The following AP3B1 variants were observed in gnomAD, a reference collection of about 807,000 sequenced individuals.
AP3B1 encodes adaptor related protein complex 3 subunit beta 1, also known as AP-3 complex subunit beta-1.
Under a neutral mutation model 132.5 loss-of-function variants are expected in AP3B1, and 61 were observed. That is an observed-to-expected ratio of 0.46 (90% CI 0.37 to 0.57). The LOEUF (loss-of-function observed/expected upper bound fraction) is 0.57. Ranked by LOEUF, AP3B1 falls within the 20% of genes least tolerant of loss-of-function variation. The pLI is 0.00. For synonymous variants in AP3B1, 388 were observed against 438.3 expected, an observed-to-expected ratio of 0.89 and a Z score of 1.43; for missense variants, 1,120 against 1,289.4, an observed-to-expected ratio of 0.87 and a Z score of 2.01.
At chr5:78,112,183 G>C (rs979275475) in intron 19 of AP3B1, among the ~76,000 whole-genome samples, 4 of 152,122 alleles carry the variant, frequency 2.6e-5, no homozygotes, top group African/African-American at 9.7e-5. Flanking sequence ...GACAAGGAAA[G>C]AATCAATATT....
chr5:78,262,750 T>C (rs1462036585), intron 2 of AP3B1, among the ~76,000 whole-genome samples: 16 of 151,520 alleles, frequency 1.1e-4, no homozygotes, highest in Admixed American at 1.1e-3. Context: ...TGGAGTGCAG[T>C]GGCATGAACA....
chr5:78,086,510 C>T (rs1312410986), intron 22 of AP3B1, among the ~76,000 whole-genome samples: 2 of 152,170 alleles, frequency 1.3e-5, no homozygotes, highest in Non-Finnish European at 2.9e-5. Context: ...AAGCGCAGAA[C>T]TCTGACTTGA....
chr5:78,222,643 C>A (rs1746229537), intron 6 of AP3B1: 1 of 151,230 alleles, frequency 6.6e-6, no homozygotes, highest in Non-Finnish European at 1.5e-5. Context: ...AAAAAAAAAC[C>A]CAAGGAGGAT....
chr5:78,121,308 T>A (rs929335624), intron 17 of AP3B1, among the ~76,000 whole-genome samples: 6 of 151,714 alleles, frequency 4.0e-5, no homozygotes, highest in Non-Finnish European at 8.8e-5. Context: ...GCAAACACAT[T>A]CAAAAGCTAG....
At chr5:78,071,468 C>A (rs2112163352) in intron 22 of AP3B1, among the ~76,000 whole-genome samples, 1 of 152,196 alleles carries the variant, frequency 6.6e-6, no homozygotes, top group East Asian at 1.9e-4. Flanking sequence ...GGCTTAATAC[C>A]TAGGTGATGG....
chr5:78,047,989 G>A (rs1019919996), intron 22 of AP3B1, among the ~76,000 whole-genome samples: 1 of 152,212 alleles, frequency 6.6e-6, no homozygotes, highest in African/African-American at 2.4e-5. Flanking sequence ...ATATACATCT[G>A]TGCAGTGGCA....
intron 22 of AP3B1, among the ~76,000 whole-genome samples, chr5:78,079,670 A>C (rs1383128622): frequency 6.6e-6 from 1 of 152,234 alleles, no homozygotes; most frequent in African/African-American, 2.4e-5. Flanking sequence ...TTTAGTATAT[A>C]TTTAATGTAG....
chr5:78,190,553 G>A lies in AP3B1; in HGVS notation c.787-8891C>T, dbSNP rs145512349. Among the ~76,000 whole-genome samples, 166 of 152,224 alleles carry A rather than the reference G, an allele frequency of 1.1e-3. 1 individual carries two copies. The highest frequency in any genetic ancestry group is 3.7e-3 in the African/African-American group (155 of 41,524). ...GCATTAGTCCAAACAGAATGGATAC[G>A]TACACAGCATATGGGTGTATCTGGA... On this transcript the variant is annotated intron_variant, in intron 7 of 26. Transcript: ENST00000255194.
intron 22 of AP3B1, among the ~76,000 whole-genome samples, chr5:78,057,605 T>C (rs1406165381): frequency 6.6e-6 from 1 of 152,212 alleles, no homozygotes; most frequent in Non-Finnish European, 1.5e-5. Context: ...ACACACTGTA[T>C]TTTAATCCTA....
rs540060510 is a variant in AP3B1 at position 78,012,709 on chromosome 5, G to A, written c.3131+2701C>T. ...CCAAACACCAGGCCACTGATGATAC[G>A]GCTAGAACAGAAAAGCCTCAAGACA... is the stretch of plus-strand genomic sequence containing the variant. On this transcript the variant is annotated intron_variant, in intron 26 of 26. Coordinates refer to ENST00000255194, the MANE Select transcript of AP3B1 (RefSeq NM_003664.5). Among the ~76,000 whole-genome samples the A allele has an allele frequency of 2.0e-5, 3 of 152,280 alleles. No homozygotes were observed. In the East Asian group the frequency reaches 5.8e-4, roughly 29 times the overall value.
chr5:78,114,883 A>G (rs181337198), intron 18 of AP3B1, among the ~76,000 whole-genome samples: 43 of 152,346 alleles, frequency 2.8e-4, no homozygotes, highest in African/African-American at 9.6e-4. Flanking sequence ...TGGCTCTTCT[A>G]CTTGCCAGTT....
chr5:78,147,275 G>C (rs1753447478), intron 14 of AP3B1, among the ~76,000 whole-genome samples: 1 of 151,824 alleles, frequency 6.6e-6, no homozygotes, highest in South Asian at 2.1e-4. Flanking sequence ...CTTGTTAAAT[G>C]CTTTTAATTA....
intron 1 of AP3B1, among the ~76,000 whole-genome samples, chr5:78,278,902 A>G (rs1748917588): frequency 1.3e-5 from 2 of 152,040 alleles, no homozygotes; most frequent in Admixed American, 1.3e-4. Flanking sequence ...CTAATGCCTG[A>G]TCTGAGGTGG....
At chr5:78,204,918 T>C (rs978301678) in intron 7 of AP3B1, among the ~76,000 whole-genome samples, 5 of 152,288 alleles carry the variant, frequency 3.3e-5, no homozygotes, top group Non-Finnish European at 2.9e-5. Flanking sequence ...AAAAAGCTGA[T>C]TGGACTGTTT....
intron 21 of AP3B1, among the ~76,000 whole-genome samples, chr5:78,097,931 C>G (rs987909289): frequency 3.3e-5 from 5 of 152,212 alleles, no homozygotes; most frequent in African/African-American, 1.2e-4. Flanking sequence ...TTGTTCTGTA[C>G]TAAGAAAAAT....
intron 14 of AP3B1, among the ~76,000 whole-genome samples, chr5:78,147,262 T>TA (rs1753446984): frequency 1.3e-5 from 2 of 152,136 alleles, no homozygotes; most frequent in African/African-American, 2.4e-5. Flanking sequence ...TGTTCCTTTT[T>TA]ATCTTGTTAA....
intron 15 of AP3B1, among the ~76,000 whole-genome samples, chr5:78,134,667 A>C (rs967264327): frequency 2.6e-5 from 4 of 152,124 alleles, no homozygotes; most frequent in African/African-American, 9.7e-5. Context: ...CAGCCTCCCA[A>C]GTAGCTAGGA....
At chr5:78,277,794 C>G (rs79196451) in intron 1 of AP3B1, among the ~76,000 whole-genome samples, 4,673 of 152,224 alleles carry the variant, frequency 0.031, 123 homozygotes, top group East Asian at 0.14. Context: ...ACAGAAGAAC[C>G]CTTTCACTGT....
intron 15 of AP3B1, among the ~76,000 whole-genome samples, chr5:78,135,386 A>C (rs1000033267): frequency 2.6e-5 from 4 of 152,186 alleles, no homozygotes; most frequent in African/African-American, 9.7e-5. Flanking sequence ...TCACAAAAAC[A>C]ACCATACATT....
Sources: gnomAD v4.1 joint callset for allele counts (sites outside exome capture counted in the v4.1 genomes callset) on GRCh38, gnomAD v4.1.1 for gene constraint, MANE v1.5 for transcripts, NCBI Gene and HGNC (gene_info 2026-07-23, HGNC 2026-07-21) for gene names.